The following MAF variants were observed in gnomAD, a reference collection of about 807,000 sequenced individuals.
The protein encoded by MAF is transcription factor Maf.
A neutral mutation model predicts 22.0 loss-of-function variants in MAF; 10 were observed. The ratio of observed to expected loss-of-function variants is 0.45; its 90% CI spans 0.28 to 0.77. MAF has a LOEUF of 0.77. Among genes scored for constraint, MAF ranks in the 30% least tolerant of loss-of-function variants. MAF has a pLI of 0.12. For missense variants in MAF, 544 were observed against 548.4 expected, an observed-to-expected ratio of 0.99 and a Z score of 0.08; for synonymous variants, 337 against 255.8, an observed-to-expected ratio of 1.32 and a Z score of -3.03.
chr16:79,209,115 G>GA, the MAF span, among the ~76,000 whole-genome samples: 1 of 152,150 alleles, frequency 6.6e-6, no homozygotes, highest in Admixed American at 6.6e-5. Flanking sequence ...AGTGGCAAAG[G>GA]AATCAAAGCC....
At chr16:79,378,871 G>C in the MAF span, among the ~76,000 whole-genome samples, 2 of 152,124 alleles carry the variant, frequency 1.3e-5, no homozygotes, top group African/African-American at 4.8e-5. Context: ...GAATTAACAT[G>C]ATTTCTTCAG....
the MAF span, among the ~76,000 whole-genome samples, chr16:79,351,754 G>T: frequency 6.6e-6 from 1 of 152,168 alleles, no homozygotes; most frequent in South Asian, 2.1e-4. Context: ...TGACATCCCA[G>T]GTTTCCAGTG....
At chr16:79,401,123 T>C in the MAF span, among the ~76,000 whole-genome samples, 87 of 152,314 alleles carry the variant, frequency 5.7e-4, no homozygotes, top group African/African-American at 1.9e-3. Context: ...CCCTGCTTCA[T>C]TTGGGACAGG....
the MAF span, among the ~76,000 whole-genome samples, chr16:79,278,739 T>G: frequency 6.6e-6 from 1 of 152,126 alleles, no homozygotes; most frequent in African/African-American, 2.4e-5. Context: ...AGGAAGCCTG[T>G]CGAGCTACCC....
At chr16:79,598,057 A>G in intron 1 of MAF, 2 of 1,045,068 alleles carry the variant, frequency 1.9e-6, no homozygotes, top group Non-Finnish European at 2.3e-6. Flanking sequence ...GCTAAAAAAA[A>G]AACCCGATGG....
chr16:79,461,054 A>G, the MAF span, among the ~76,000 whole-genome samples: 14 of 152,208 alleles, frequency 9.2e-5, no homozygotes, highest in Non-Finnish European at 1.3e-4. Flanking sequence ...TGTATTTGTG[A>G]ACTTTTTGAA....
the MAF span, among the ~76,000 whole-genome samples, chr16:79,377,335 G>A: frequency 6.6e-6 from 1 of 152,190 alleles, no homozygotes; most frequent in Admixed American, 6.5e-5. Context: ...CTTTTGAGAA[G>A]TGTCTGTTCA....
chr16:79,398,320 C>T, the MAF span, among the ~76,000 whole-genome samples: 2 of 152,184 alleles, frequency 1.3e-5, no homozygotes, highest in African/African-American at 4.8e-5. Context: ...ATGCCATCTG[C>T]AATTTAATTA....
intron 1 of MAF, chr16:79,597,412 T>TA: frequency 9.7e-7 from 1 of 1,031,228 alleles, no homozygotes; most frequent in Non-Finnish European, 1.2e-6. Context: ...TTTCTCTTTT[T>TA]AAAAAATAAA....
At chr16:79,314,467 G>A in the MAF span, among the ~76,000 whole-genome samples, 1 of 152,182 alleles carries the variant, frequency 6.6e-6, no homozygotes, top group South Asian at 2.1e-4. Context: ...ATCAAACACT[G>A]GACTGTACTC....
chr16:79,382,785 T>G, the MAF span, among the ~76,000 whole-genome samples: 1 of 152,132 alleles, frequency 6.6e-6, no homozygotes, highest in Non-Finnish European at 1.5e-5. Context: ...CATAAAATGG[T>G]GCATTTATGT....
At chr16:79,585,316 G>A (rs1339593942), downstream of MAF, among the ~76,000 whole-genome samples, 2 of 152,154 alleles carry the variant, frequency 1.3e-5, no homozygotes, top group African/African-American at 2.4e-5. Flanking sequence ...TATTGAAGTG[G>A]GGAGGGGATC....
At chr16:79,498,394 T>C in the MAF span, among the ~76,000 whole-genome samples, 5 of 152,190 alleles carry the variant, frequency 3.3e-5, no homozygotes, top group African/African-American at 1.2e-4. Flanking sequence ...TCTGTATGTG[T>C]GATGAAGGAA....
the MAF span, among the ~76,000 whole-genome samples, chr16:79,552,188 C>A: frequency 6.6e-6 from 1 of 151,396 alleles, no homozygotes; most frequent in South Asian, 2.1e-4. Context: ...CTGCCTTGTT[C>A]TTCTGAACCT....
chr16:79,503,844 T>C, the MAF span, among the ~76,000 whole-genome samples: 1 of 152,252 alleles, frequency 6.6e-6, no homozygotes, highest in Non-Finnish European at 1.5e-5. Flanking sequence ...AATTCTGTCA[T>C]TATCTTATTT....
chr16:79,320,209 G>A, the MAF span, among the ~76,000 whole-genome samples: 1 of 152,202 alleles, frequency 6.6e-6, no homozygotes, highest in Non-Finnish European at 1.5e-5. Context: ...TTTTGTGACA[G>A]AGTGATCTTT....
the MAF span, among the ~76,000 whole-genome samples, chr16:79,391,602 GA>G: frequency 1.3e-5 from 2 of 152,180 alleles, no homozygotes; most frequent in Non-Finnish European, 2.9e-5. Flanking sequence ...AGCAAGGAGT[GA>G]AATGGGGGCA....
At chr16:79,335,001 A>G in the MAF span, among the ~76,000 whole-genome samples, 1 of 151,818 alleles carries the variant, frequency 6.6e-6, no homozygotes, top group Non-Finnish European at 1.5e-5. Context: ...CCTGGCCAAC[A>G]TGGTGAAACC....
the MAF span, among the ~76,000 whole-genome samples, chr16:79,496,240 G>A: frequency 6.6e-6 from 1 of 152,196 alleles, no homozygotes; most frequent in Non-Finnish European, 1.5e-5. Context: ...ATAGAGCAAA[G>A]AAAGAGAATA....
Sources: allele counts gnomAD v4.1 joint callset (sites outside exome capture counted in the v4.1 genomes callset), GRCh38; gene constraint gnomAD v4.1.1; transcripts MANE v1.5; gene names NCBI Gene and HGNC (gene_info 2026-07-23, HGNC 2026-07-21).